Variants in HLTF observed in about 807,000 individuals in gnomAD.
The protein encoded by HLTF is helicase like transcription factor, also known as DNA-dependent ATPase/E3 ubiquitin-protein ligase HLTF.
A neutral mutation model predicts 129.4 loss-of-function variants in HLTF; 127 were observed. The ratio of observed to expected loss-of-function variants is 0.98; its 90% CI spans 0.85 to 1.14. HLTF has a LOEUF of 1.14. HLTF is among the 50% of genes most tolerant of loss of function. HLTF has a pLI of 0.00. For missense variants in HLTF, 1,139 were observed against 1,187.1 expected (o/e 0.96, Z 0.60); for synonymous variants, 332 against 388.8 (o/e 0.85, Z 1.72).
Position 149,040,099 on chromosome 3 carries a change from A to T in HLTF, c.2434T>A (p.Cys812Ser). Residue 812 changes from cysteine to serine, a missense_variant, in exon 21 of 25, where the codon TGT (cysteine) becomes AGT (serine). Transcript: ENST00000310053. ...TCACGTGCTAATTCTTCTGGAGGACATTCTAATAAATTATCTTCATGTATA... is the reference window on the plus strand; with the variant it reads ...TCACGTGCTAATTCTTCTGGAGGACTTTCTAATAAATTATCTTCATGTATA... ...NDIHEDNLLE[C>S]PPEELARDSE... is the part of the protein sequence containing the mutation. The T allele has an allele frequency of 6.2e-7, 1 of 1,610,336 alleles. No individual in the cohort carries two copies. Among genetic ancestry groups the T allele is most frequent in the Non-Finnish European group, 8.5e-7 (1 of 1,178,066 alleles).
Position 149,031,568 on chromosome 3 carries a change from T to A in HLTF, c.*652A>T, listed in dbSNP as rs1715050459. On this transcript the variant is annotated 3_prime_UTR_variant, in exon 25 of 25. Coordinates refer to ENST00000310053, the MANE Select transcript of HLTF (RefSeq NM_003071.4). ...ATTTAAACAATGAGTGTAGTACTAC[T>A]TAACTAAAATGGAAAAAATAGTACT... 1 of 152,424 alleles carries A rather than the reference T, an allele frequency of 6.6e-6. No individual in the cohort carries two copies. The highest frequency in any genetic ancestry group is 2.4e-5 in the African/African-American group (1 of 41,346). The allele number at this position is 152,424 out of a possible 1,614,324, so 9.4% of individuals were successfully genotyped here.
intron 2 of HLTF, among the ~76,000 whole-genome samples, chr3:149,077,233 C>A (rs536451991): frequency 1.3e-5 from 2 of 149,058 alleles, no homozygotes; most frequent in African/African-American, 2.5e-5. Flanking sequence ...GGTGACAGAG[C>A]GAGACTTCAT....
rs202199103 is a variant in HLTF at position 149,048,914 on chromosome 3, G to A, written c.1705C>T (p.Gln569Ter). The A allele has an allele frequency of 6.2e-7, 1 of 1,613,178 alleles. No individual in the cohort carries two copies. The highest frequency in any genetic ancestry group is 8.5e-7 in the Non-Finnish European group (1 of 1,179,288). Residue 569 changes from glutamine to a stop codon, truncating the protein, a stop_gained, in exon 16 of 25, where the codon CAG becomes TAG. Transcript: ENST00000310053. LOFTEE classifies it high-confidence loss of function. ...TCTAAGTCAAGTACAGCTTTTGTCT[G>A]CTGAGCATTTGGATTTCGTATGGCA... ...GHAIRNPNAQQTKAVLDLESE... is the reference protein window; with the variant it reads ...GHAIRNPNAQ
In HLTF at chr3:149,086,171, T is replaced by C. The variant is rs1007704338; in HGVS notation, c.20+146A>G. The C allele has an allele frequency of 1.9e-5, 16 of 859,178 alleles. No homozygotes were observed. The Admixed American group carries it at 2.6e-4, about 14-fold the overall frequency. 53.2% of individuals were successfully genotyped at this position (859,178 alleles called of 1,614,324 possible). On this transcript the variant is annotated intron_variant, in intron 1 of 24. Coordinates refer to ENST00000310053, the MANE Select transcript of HLTF (RefSeq NM_003071.4). ...CCAGCGAAGACAATGCATTTATTTCTCCGGCGGCCACATATGCGACCAACA... is the reference window on the plus strand; with the variant it reads ...CCAGCGAAGACAATGCATTTATTTCCCCGGCGGCCACATATGCGACCAACA...
chr3:149,041,556 A>T lies in HLTF; in HGVS notation c.2310T>A (p.Pro770=), dbSNP rs752996393. 1 of 1,613,276 alleles carries T rather than the reference A, an allele frequency of 6.2e-7. No homozygotes were observed. Among genetic ancestry groups the T allele is most frequent in the Non-Finnish European group, 8.5e-7 (1 of 1,179,352 alleles). ...CAICLDSLTV[P]VITHCAHVFC... ...ATACATGTGCACAATGTGTTATCAC[A>T]GGAACTGTTAAAGAATCCAGGCAAA... Residue 770 remains proline, a synonymous_variant, in exon 20 of 25, where the codon CCT becomes CCA. Transcript: ENST00000310053.
chr3:149,048,924 T>G lies in HLTF; in HGVS notation c.1695A>C (p.Pro565=). 1 of 1,613,106 alleles carries G rather than the reference T, an allele frequency of 6.2e-7. No homozygotes were observed. Among genetic ancestry groups the G allele is most frequent in the Non-Finnish European group, 8.5e-7 (1 of 1,179,132 alleles). ...GTACAGCTTTTGTCTGCTGAGCATTTGGATTTCGTATGGCATGTCCTTCAT... is the reference window on the plus strand; with the variant it reads ...GTACAGCTTTTGTCTGCTGAGCATTGGGATTTCGTATGGCATGTCCTTCAT... ...ILDEGHAIRN[P]NAQQTKAVLD... The change falls in exon 16 of 25, where the codon CCA becomes CCC. Residue 565 remains proline (P), a synonymous_variant. Coordinates refer to ENST00000310053, the MANE Select transcript of HLTF (RefSeq NM_003071.4).
chr3:149,078,018 A>G (rs1182344243), intron 2 of HLTF, among the ~76,000 whole-genome samples: 1 of 152,110 alleles, frequency 6.6e-6, no homozygotes, highest in Non-Finnish European at 1.5e-5. Flanking sequence ...CCACCCTAGA[A>G]GCCTAACAAA....
At position 149,060,836 on chromosome 3, in the gene HLTF, T is replaced by G; in HGVS notation, c.1183A>C (p.Ile395Leu). 1.2e-6 allele frequency: 2 copies of G among 1,612,452 alleles called. No individual in the cohort carries two copies. Among genetic ancestry groups the G allele is most frequent in the Non-Finnish European group, 1.7e-6 (2 of 1,178,898 alleles). ...ATTTCCTCTGAATCACTGCTTTCTA[T>G]GTACTGGACAGCAGTTTTTCTTCTA... is the stretch of plus-strand genomic sequence containing the variant. ...PKRRKTAVQY[I>L]ESSDSEEIET... Residue 395 changes from isoleucine to leucine, a missense_variant, in exon 11 of 25, where the codon ATA (isoleucine) becomes CTA (leucine). Ile to Leu is a conservative substitution (Grantham distance 5). Coordinates refer to ENST00000310053, the MANE Select transcript of HLTF (RefSeq NM_003071.4).
Position 149,039,626 on chromosome 3 carries a change from A to G in HLTF, c.2570T>C (p.Val857Ala). The change falls in exon 22 of 25, where the codon GTT becomes GCT. Residue 857 changes from valine to alanine, a missense_variant. Coordinates refer to ENST00000310053, the MANE Select transcript of HLTF (RefSeq NM_003071.4). ...KKNPNIKSLV[V>A]SQFTTFLSLI... ...AGACAGGAATGTTGTAAACTGAGAA[A>G]CAACCAAACTTTTTATGTTGGGATT... is the stretch of plus-strand genomic sequence containing the variant. 6.2e-7 allele frequency: 1 copy of G among 1,606,896 alleles called. No homozygotes were observed.
intron 8 of HLTF, among the ~76,000 whole-genome samples, chr3:149,066,135 C>G (rs544118796): frequency 6.6e-6 from 1 of 151,986 alleles, no homozygotes; most frequent in Non-Finnish European, 1.5e-5. Context: ...AAACCTCTAC[C>G]TCCTGAGTTC....
chr3:149,032,728 C>T (rs770639227), intron 24 of HLTF, among the ~76,000 whole-genome samples: 4 of 152,020 alleles, frequency 2.6e-5, no homozygotes, highest in Non-Finnish European at 2.9e-5. Flanking sequence ...TTTGGGAGGC[C>T]GAGGCGGGCA....
At chr3:149,080,240 G>A (rs74362624) in intron 2 of HLTF, among the ~76,000 whole-genome samples, 10,271 of 152,088 alleles carry the variant, frequency 0.068, 1,021 homozygotes, top group African/African-American at 0.22. Context: ...TCTTTTTGGA[G>A]TAATGAAAAT....
chr3:149,030,124 A>G (rs1714877255), downstream of HLTF: 1 of 152,244 alleles, frequency 6.6e-6, no homozygotes, highest in Non-Finnish European at 1.5e-5. Flanking sequence ...GAGGAAGGTA[A>G]TAAACATTTG....
intron 8 of HLTF, 150 bp downstream of exon 8, chr3:149,068,090 T>C: frequency 2.0e-6 from 1 of 509,518 alleles, no homozygotes; most frequent in East Asian, 3.2e-5. Context: ...ACACGAACTT[T>C]CATTCTTATC....
At chr3:149,061,260 T>G (rs1717920925) in intron 10 of HLTF, among the ~76,000 whole-genome samples, 1 of 151,750 alleles carries the variant, frequency 6.6e-6, no homozygotes, top group Non-Finnish European at 1.5e-5. Context: ...AAAATAAATT[T>G]GATAGCCGGG....
chr3:149,042,008 A>T, intron 19 of HLTF, 158 bp downstream of exon 19: 2 of 645,630 alleles, frequency 3.1e-6, no homozygotes, highest in South Asian at 4.2e-5. Flanking sequence ...ATTGGTAAAA[A>T]AATTATTGGA....
chr3:149,059,463 A>G, intron 13 of HLTF: 1 of 495,244 alleles, frequency 2.0e-6, no homozygotes, highest in East Asian at 4.2e-5. Flanking sequence ...CACTAGAAGA[A>G]ATATCTCTGC....
At chr3:149,062,225 T>C (rs549579868) in intron 10 of HLTF, among the ~76,000 whole-genome samples, 7 of 152,218 alleles carry the variant, frequency 4.6e-5, no homozygotes, top group African/African-American at 9.6e-5. Context: ...ATAACATGTG[T>C]GTCAGCTGTT....
chr3:149,074,418 C>T (rs1719157001), intron 3 of HLTF, 70 bp from the exon 4 acceptor site: 2 of 1,402,488 alleles, frequency 1.4e-6, no homozygotes, highest in South Asian at 2.9e-5. Context: ...AGAATTAGTT[C>T]AATATTTTAA....
Sources: allele counts gnomAD v4.1 joint callset (sites outside exome capture counted in the v4.1 genomes callset), GRCh38; gene constraint gnomAD v4.1.1; transcripts MANE v1.5; gene names NCBI Gene and HGNC (gene_info 2026-07-23, HGNC 2026-07-21).